The following FBRSL1 variants were observed in gnomAD, a reference collection of about 807,000 sequenced individuals.
The protein encoded by FBRSL1 is fibrosin like 1.
FBRSL1 carries 51 observed loss-of-function variants against 89.6 expected under a neutral mutation model. That is an observed-to-expected ratio of 0.57 (90% CI 0.45 to 0.72). The LOEUF is 0.72. FBRSL1 is among the 30% of genes least tolerant of loss of function. FBRSL1 has a pLI of 0.00. For missense variants in FBRSL1, 1,618 were observed against 1,451.8 expected, an observed-to-expected ratio of 1.11 and a Z score of -1.86; for synonymous variants, 779 against 681.1, an observed-to-expected ratio of 1.14 and a Z score of -2.24.
intron 15 of FBRSL1, chr12:132,581,196 C>T: frequency 1.0e-6 from 1 of 985,444 alleles, no homozygotes; most frequent in Non-Finnish European, 1.2e-6. Flanking sequence ...CAGCACCTCC[C>T]TCCCTGCCCC....
At chr12:132,524,318 C>T (rs1396632069) in intron 2 of FBRSL1, among the ~76,000 whole-genome samples, 2 of 152,236 alleles carry the variant, frequency 1.3e-5, no homozygotes, top group African/African-American at 4.8e-5. Flanking sequence ...CCAGGGCCTC[C>T]TCCAGTGTGG....
intron 1 of FBRSL1, among the ~76,000 whole-genome samples, chr12:132,501,298 C>T (rs914769088): frequency 6.6e-6 from 1 of 152,210 alleles, no homozygotes; most frequent in Non-Finnish European, 1.5e-5. Flanking sequence ...GGCCGAGCGG[C>T]GGCTGCCCCT....
At chr12:132,572,937 A>C (rs891413165) in intron 11 of FBRSL1, among the ~76,000 whole-genome samples, 1 of 152,214 alleles carries the variant, frequency 6.6e-6, no homozygotes, top group Non-Finnish European at 1.5e-5. Context: ...TGGTGTGGAC[A>C]GCAGCCTCAC....
intron 14 of FBRSL1, among the ~76,000 whole-genome samples, chr12:132,575,467 T>C (rs1185311578): frequency 6.6e-6 from 1 of 152,220 alleles, no homozygotes; most frequent in Non-Finnish European, 1.5e-5. Context: ...GGCCTCATGA[T>C]CCACCCACCT....
chr12:132,509,265 C>T (rs1003973519), intron 2 of FBRSL1: 5 of 1,253,646 alleles, frequency 4.0e-6, no homozygotes, highest in Non-Finnish European at 5.0e-6. Flanking sequence ...GTCCAGCCAG[C>T]CCCAGGGGTC....
intron 1 of FBRSL1, among the ~76,000 whole-genome samples, chr12:132,496,779 A>C (rs117855928): frequency 0.014 from 2,078 of 151,756 alleles, 73 homozygotes; most frequent in East Asian, 0.12. Flanking sequence ...GTCCAGCATC[A>C]GGTAGGGGTG....
At position 132,572,639 on chromosome 12, in the gene FBRSL1, C is replaced by T; in HGVS notation, c.1530+17C>T. On this transcript the variant is annotated intron_variant, in intron 11 of 18. Transcript: ENST00000680143. ...CAGCCTAAGGTACCGCTGCCCCTGG[C>T]AGGTGGGGCGGGCACAGCGGGTGGG... is the stretch of plus-strand genomic sequence containing the variant. The T allele has an allele frequency of 6.5e-7, 1 of 1,533,574 alleles. No individual in the cohort carries two copies. Among genetic ancestry groups the T allele is most frequent in the Non-Finnish European group, 8.8e-7 (1 of 1,133,156 alleles). The allele number at this position is 1,533,574 out of a possible 1,614,324, so 95.0% of individuals were successfully genotyped here.
Position 132,574,693 on chromosome 12 carries a change from G to A in FBRSL1, c.1701+129G>A, listed in dbSNP as rs544498084. 1.4e-4 allele frequency: 164 copies of A among 1,194,832 alleles called. 1 individual carries two copies. Among genetic ancestry groups the A allele is most frequent in the East Asian group, 9.9e-4 (38 of 38,474 alleles). 74.0% of individuals were successfully genotyped at this position (1,194,832 alleles called of 1,614,324 possible). A position where few individuals can be genotyped will look rare whatever the true frequency, so the allele number is the denominator to read the frequency against. ...CGGGTGTGATCCTCACGCGTGAGCC[G>A]CCTGCCCCTTCCTCTGGGTACTGGG... On this transcript the variant is annotated intron_variant, in intron 14 of 18. Coordinates refer to ENST00000680143, the MANE Select transcript of FBRSL1 (RefSeq NM_001367871.1).
chr12:132,571,451 CACACCAGCACCA>C (rs1478224684), intron 9 of FBRSL1: 4 of 1,550,636 alleles, frequency 2.6e-6, no homozygotes, highest in East Asian at 2.4e-5. Context: ...CACCAACACA[CACACCAGCACCA>C]ACACACATTC....
chr12:132,531,681 G>A (rs528448433), intron 4 of FBRSL1, among the ~76,000 whole-genome samples: 13 of 152,290 alleles, frequency 8.5e-5, no homozygotes, highest in South Asian at 2.1e-4. Flanking sequence ...TGCACGTGGC[G>A]TTGTGTGTTG....
rs1053506062 is a variant in FBRSL1 at position 132,573,974 on chromosome 12, G to A, written c.1531-116G>A. Reference sequence around the variant, plus strand: ...AGGCTGTCCCTGGGAGACAGCGTGCGGGGCCCCACGGCAAGGCAAAGCAGG... The same window carrying A: ...AGGCTGTCCCTGGGAGACAGCGTGCAGGGCCCCACGGCAAGGCAAAGCAGG... On this transcript the variant is annotated intron_variant, in intron 11 of 18. Transcript: ENST00000680143. The A allele has an allele frequency of 1.8e-5, 10 of 549,770 alleles. No individual in the cohort carries two copies. In the South Asian group the frequency reaches 1.9e-4, roughly 10 times the overall value. The allele number at this position is 549,770 out of a possible 1,614,324, so 34.1% of individuals were successfully genotyped here. A position where few individuals can be genotyped will look rare whatever the true frequency, so the allele number is the denominator to read the frequency against.
intron 5 of FBRSL1, chr12:132,565,488 C>T (rs1284815111): frequency 6.6e-6 from 1 of 152,278 alleles, no homozygotes; most frequent in Non-Finnish European, 1.5e-5. Context: ...TGCCCACGTA[C>T]ACGTACCCAA....
intron 1 of FBRSL1, among the ~76,000 whole-genome samples, chr12:132,496,013 G>A (rs555239190): frequency 1.5e-4 from 23 of 152,332 alleles, no homozygotes; most frequent in African/African-American, 2.6e-4. Context: ...CCTCCCTCCC[G>A]GCTGCTTGGG....
intron 4 of FBRSL1, among the ~76,000 whole-genome samples, chr12:132,536,055 CCA>C (rs1296261910): frequency 6.7e-6 from 1 of 150,030 alleles, no homozygotes; most frequent in Non-Finnish European, 1.5e-5. Flanking sequence ...AGTGTGTGTG[CCA>C]CGTGTGCATG....
At chr12:132,570,950 C>G in intron 8 of FBRSL1, 118 bp from the exon 9 acceptor site, 1 of 687,376 alleles carries the variant, frequency 1.5e-6, no homozygotes, top group Non-Finnish European at 1.8e-6. Flanking sequence ...GGCTCCGAGT[C>G]AGCCCGGCCC....
intron 14 of FBRSL1, among the ~76,000 whole-genome samples, chr12:132,576,230 T>TG (rs1181680018): frequency 2.0e-5 from 3 of 151,788 alleles, no homozygotes; most frequent in African/African-American, 7.3e-5. Context: ...TCTCGCTCTG[T>TG]CACCCAGGCT....
chr12:132,516,726 A>G (rs1321760276), intron 2 of FBRSL1, among the ~76,000 whole-genome samples: 2 of 152,214 alleles, frequency 1.3e-5, no homozygotes, highest in Non-Finnish European at 2.9e-5. Flanking sequence ...AGCCGCCTGT[A>G]AATAACTTGC....
chr12:132,564,535 G>A (rs529267173), intron 5 of FBRSL1, among the ~76,000 whole-genome samples: 6 of 95,802 alleles, frequency 6.3e-5, no homozygotes, highest in African/African-American at 2.1e-4. Context: ...TCGCTCTGTC[G>A]CCCAGGCTGG....
rs535493118 is a variant in FBRSL1, at chr12:132,578,792, T to C, written c.1834+1861T>C. On this transcript the variant is annotated intron_variant, in intron 15 of 18. Coordinates refer to ENST00000680143, the MANE Select transcript of FBRSL1 (RefSeq NM_001367871.1). ...CATGAGCATTTGATGGCACGTTGCA[T>C]GTGGACGTGTGAAGGCAGAGCCCTG... Among the ~76,000 whole-genome samples the C allele has an allele frequency of 4.6e-4, 70 of 152,142 alleles. 1 individual carries two copies. Among genetic ancestry groups the C allele is most frequent in the African/African-American group, 1.6e-3 (68 of 41,488 alleles).
Sources: allele counts gnomAD v4.1 joint callset (sites outside exome capture counted in the v4.1 genomes callset), GRCh38; gene constraint gnomAD v4.1.1; transcripts MANE v1.5; gene names NCBI Gene and HGNC (gene_info 2026-07-23, HGNC 2026-07-21).